The following IFT43 variants were observed in gnomAD, a reference collection of about 807,000 sequenced individuals.
The protein encoded by IFT43 is intraflagellar transport protein 43 homolog.
A neutral mutation model predicts 32.3 loss-of-function variants in IFT43; 33 were observed. The observed-to-expected ratio is 1.02, with a 90% CI of 0.77 to 1.37. IFT43 has a LOEUF of 1.37. Among genes scored for constraint, IFT43 ranks in the 40% most tolerant of loss-of-function variants. IFT43 has a pLI of 0.00. For missense variants in IFT43, 274 were observed against 265.9 expected, an observed-to-expected ratio of 1.03 and a Z score of -0.21; for synonymous variants, 93 against 98.2, an observed-to-expected ratio of 0.95 and a Z score of 0.31.
chr14:76,044,403 A>G (rs1411360456), intron 3 of IFT43, among the ~76,000 whole-genome samples: 8 of 152,128 alleles, frequency 5.3e-5, no homozygotes, highest in African/African-American at 7.2e-5. Context: ...AAGAGACCCA[A>G]TTGTAGGAGC....
intron 3 of IFT43, among the ~76,000 whole-genome samples, chr14:76,039,144 C>A (rs928813237): frequency 7.3e-6 from 1 of 137,390 alleles, no homozygotes; most frequent in East Asian, 2.1e-4. Flanking sequence ...TTTTTTTTTT[C>A]TTTTTTTAGA....
chr14:76,011,654 A>G (rs1161921858), intron 2 of IFT43, among the ~76,000 whole-genome samples: 1 of 152,194 alleles, frequency 6.6e-6, no homozygotes, highest in Non-Finnish European at 1.5e-5. Flanking sequence ...TCTTTCTTAT[A>G]CGTAAAATAG....
intron 5 of IFT43, among the ~76,000 whole-genome samples, chr14:76,067,806 G>A (rs543178688): frequency 6.6e-6 from 1 of 152,300 alleles, no homozygotes; most frequent in Non-Finnish European, 1.5e-5. Context: ...AAAGGATGGT[G>A]GGGTCTGTGG....
rs540035024 is a variant in IFT43 at position 76,036,862 on chromosome 14, C to A, written c.215+14468C>A. ...TCTTTTTTAGAAACAGGATCTTGCT[C>A]TGTTGCTCAGGCTAGAGTGCAGTGG... On this transcript the variant is annotated intron_variant, in intron 3 of 8. Coordinates refer to ENST00000314067, the MANE Select transcript of IFT43 (RefSeq NM_001102564.3). Among the ~76,000 whole-genome samples the A allele has an allele frequency of 1.5e-3, 233 of 151,332 alleles. 4 individuals are homozygous for A. The South Asian group carries it at 0.018, about 12-fold the overall frequency.
chr14:76,041,322 G>A lies in IFT43; in HGVS notation c.216-17320G>A, dbSNP rs540890829. Among the ~76,000 whole-genome samples, 27 of 152,302 alleles carry A rather than the reference G, an allele frequency of 1.8e-4. No individual in the cohort carries two copies. In the South Asian group the frequency reaches 5.2e-3, roughly 29 times the overall value. ...TAGAAGGTCAGGAAAGAAATGAGTG[G>A]CCCATGGAAGTGTCCCTTAAATGAT... is the stretch of plus-strand genomic sequence containing the variant. On this transcript the variant is annotated intron_variant, in intron 3 of 8. Coordinates refer to ENST00000314067, the MANE Select transcript of IFT43 (RefSeq NM_001102564.3).
At chr14:76,070,977 C>T (rs1001226664) in intron 5 of IFT43, among the ~76,000 whole-genome samples, 4 of 152,082 alleles carry the variant, frequency 2.6e-5, no homozygotes, top group Non-Finnish European at 5.9e-5. Context: ...CAAGAATGGC[C>T]TAACACACTA....
chr14:76,030,121 T>TCGTC (rs1278669583), intron 3 of IFT43, among the ~76,000 whole-genome samples: 1 of 152,034 alleles, frequency 6.6e-6, no homozygotes, highest in African/African-American at 2.4e-5. Context: ...CTCCTGGCAA[T>TCGTC]CGTCCTACTT....
In IFT43 at chr14:76,058,678, C is replaced by T. The variant is rs778333905; in HGVS notation, c.248+4C>T. 24 of 1,609,998 alleles carry T rather than the reference C, an allele frequency of 1.5e-5. No homozygotes were observed. The highest frequency in any genetic ancestry group is 6.7e-5 in the East Asian group (3 of 44,816). On this transcript the variant is annotated splice_donor_region_variant and intron_variant, in intron 4 of 8. Coordinates refer to ENST00000314067, the MANE Select transcript of IFT43 (RefSeq NM_001102564.3). Reference sequence around the variant, plus strand: ...AGGCTTCTGAAGAAATAGAAGAGTACGTTTCCAGTATTCTTATTCTTATGG... The same window carrying T: ...AGGCTTCTGAAGAAATAGAAGAGTATGTTTCCAGTATTCTTATTCTTATGG...
chr14:76,040,422 G>GAT (rs1417633756), intron 3 of IFT43, among the ~76,000 whole-genome samples: 1 of 152,232 alleles, frequency 6.6e-6, no homozygotes, highest in Non-Finnish European at 1.5e-5. Flanking sequence ...GAAGGCTTTA[G>GAT]ATATGGTACA....
At chr14:76,021,054 A>C (rs2036281015) in intron 2 of IFT43, among the ~76,000 whole-genome samples, 1 of 152,050 alleles carries the variant, frequency 6.6e-6, no homozygotes, top group Admixed American at 6.5e-5. Context: ...ACGGTCCTTT[A>C]GACCCCAGAA....
At chr14:76,057,087 C>T (rs888687547) in intron 3 of IFT43, among the ~76,000 whole-genome samples, 12 of 152,150 alleles carry the variant, frequency 7.9e-5, no homozygotes, top group Admixed American at 3.9e-4. Context: ...CCTGTTCTTC[C>T]AGCTTGACCT....
At chr14:76,006,855 ATTTTTTT>A (rs35845700) in intron 2 of IFT43, among the ~76,000 whole-genome samples, 2 of 124,432 alleles carry the variant, frequency 1.6e-5, no homozygotes, top group African/African-American at 6.0e-5. Context: ...TACTGGGGAC[ATTTTTTT>A]TTTTTTTTTT....
intron 2 of IFT43, among the ~76,000 whole-genome samples, chr14:75,999,635 C>G (rs1016231940): frequency 1.3e-5 from 2 of 152,060 alleles, no homozygotes; most frequent in Non-Finnish European, 2.9e-5. Flanking sequence ...CTCACCCTGC[C>G]TAGGAGTTAG....
At chr14:76,073,931 G>A (rs908049380) in intron 5 of IFT43, among the ~76,000 whole-genome samples, 1 of 152,078 alleles carries the variant, frequency 6.6e-6, no homozygotes, top group Non-Finnish European at 1.5e-5. Flanking sequence ...ATGAAAATTC[G>A]ATTCCGAGTG....
intron 5 of IFT43, among the ~76,000 whole-genome samples, chr14:76,062,466 G>T (rs573447979): frequency 2.0e-5 from 3 of 152,246 alleles, no homozygotes; most frequent in South Asian, 4.2e-4. Context: ...TTCCTTTAAA[G>T]ACTGATATAC....
At chr14:76,018,851 T>C (rs576627786) in intron 2 of IFT43, among the ~76,000 whole-genome samples, 9 of 152,146 alleles carry the variant, frequency 5.9e-5, no homozygotes, top group African/African-American at 1.7e-4. Context: ...CCTGCTTGCT[T>C]TGGGTTCTTA....
Position 76,013,518 on chromosome 14 carries a change from A to G in IFT43, c.148-8809A>G, listed in dbSNP as rs373030818. Among the ~76,000 whole-genome samples the G allele has an allele frequency of 1.1e-4, 17 of 152,302 alleles. No individual in the cohort carries two copies. The East Asian group carries it at 3.3e-3, about 29-fold the overall frequency. Reference sequence around the variant, plus strand: ...CTGTGTTTCAGATTGCCCTGGGGAGACAGCCGTTTTTTGAAATGCGGATAA... The same window carrying G: ...CTGTGTTTCAGATTGCCCTGGGGAGGCAGCCGTTTTTTGAAATGCGGATAA... On this transcript the variant is annotated intron_variant, in intron 2 of 8. Coordinates refer to ENST00000314067, the MANE Select transcript of IFT43 (RefSeq NM_001102564.3).
At chr14:76,005,643 C>G (rs1227990552) in intron 2 of IFT43, among the ~76,000 whole-genome samples, 3 of 152,232 alleles carry the variant, frequency 2.0e-5, no homozygotes, top group African/African-American at 7.2e-5. Context: ...GCCCCTCTAG[C>G]AGCCCTGAGC....
At chr14:76,054,719 C>A (rs985746009) in intron 3 of IFT43, among the ~76,000 whole-genome samples, 1 of 152,212 alleles carries the variant, frequency 6.6e-6, no homozygotes, top group African/African-American at 2.4e-5. Flanking sequence ...GAAAAAGGCA[C>A]AGGGGCCCTG....
Sources: gnomAD v4.1 joint callset for allele counts (sites outside exome capture counted in the v4.1 genomes callset) on GRCh38, gnomAD v4.1.1 for gene constraint, MANE v1.5 for transcripts, NCBI Gene and HGNC (gene_info 2026-07-23, HGNC 2026-07-21) for gene names.